The following SETX variants were observed in gnomAD, a reference collection of about 807,000 sequenced individuals.
SETX encodes senataxin.
Under a neutral mutation model 227.2 loss-of-function variants are expected in SETX, and 90 were observed. The observed-to-expected ratio is 0.40, with a 90% CI of 0.33 to 0.47. The LOEUF (loss-of-function observed/expected upper bound fraction) is 0.47, where lower values mean the gene tolerates loss of function less well. Among genes scored for constraint, SETX ranks in the 20% least tolerant of loss-of-function variants. SETX has a pLI of 0.91. For missense variants in SETX, 3,052 were observed against 3,181.5 expected, an observed-to-expected ratio of 0.96 and a Z score of 0.98; for synonymous variants, 1,210 against 1,113.2, an observed-to-expected ratio of 1.09 and a Z score of -1.73.
At chr9:132,300,528 G>C in intron 12 of SETX, 102 bp downstream of exon 12, 1 of 1,303,358 alleles carries the variant, frequency 7.7e-7, no homozygotes, top group Non-Finnish European at 1.1e-6. Flanking sequence ...AAACATGTTC[G>C]GTAAATGTCT....
At position 132,283,161 on chromosome 9, in the gene SETX, A is replaced by T. The variant is rs1446582150; in HGVS notation, c.6546+103T>A. ...GTAATAGCAAGTGAAAATCAGATGC[A>T]AAAAAAAAAAACACATTTCCTCAAC... On this transcript the variant is annotated intron_variant, in intron 19 of 25. Coordinates refer to ENST00000224140, the MANE Select transcript of SETX (RefSeq NM_015046.7). 1.6e-5 allele frequency: 11 copies of T among 698,564 alleles called. No individual in the cohort carries two copies. The African/African-American group carries it at 2.1e-4, about 13-fold the overall frequency. The allele number at this position is 698,564 out of a possible 1,614,324, so 43.3% of individuals were successfully genotyped here.
At position 132,298,252 on chromosome 9, in the gene SETX, T is replaced by C. The variant is rs773104641; in HGVS notation, c.5609A>G (p.Asn1870Ser). Residue 1870 changes from asparagine to serine, a missense_variant, in exon 13 of 26, where the codon AAT becomes AGT. Physicochemically the swap from Asn to Ser is conservative, Grantham distance 46. Transcript: ENST00000224140. ...AATACAATTCACAAGTTCGTTTAAA[T>C]TGGCCGGAAAGTTCTCTTGAGTCTG... is the stretch of plus-strand genomic sequence containing the variant. ...SIQTQENFPANLNELVNCIVI... is the reference protein window; with the variant it reads ...SIQTQENFPASLNELVNCIVI... The C allele has an allele frequency of 3.7e-6, 6 of 1,614,142 alleles. No individual in the cohort carries two copies. The highest frequency in any genetic ancestry group is 4.5e-5 in the East Asian group (2 of 44,876).
intron 11 of SETX, among the ~76,000 whole-genome samples, chr9:132,306,531 G>T (rs951322634): frequency 6.6e-6 from 1 of 151,886 alleles, no homozygotes; most frequent in African/African-American, 2.4e-5. Context: ...ATTTCTAAAA[G>T]TACTTATATC....
chr9:132,352,016 C>T (rs546416016), intron 2 of SETX, among the ~76,000 whole-genome samples: 22 of 152,340 alleles, frequency 1.4e-4, no homozygotes, highest in Admixed American at 3.9e-4. Context: ...CATTTCTCAA[C>T]ATTAACTAGC....
At chr9:132,331,475 A>C in intron 7 of SETX, 27 bp from the exon 8 acceptor site, 1 of 1,609,962 alleles carries the variant, frequency 6.2e-7, no homozygotes, top group South Asian at 1.1e-5. Flanking sequence ...CAATCGTTGA[A>C]TTACTAAACA....
intron 17 of SETX, 143 bp downstream of exon 17, chr9:132,288,093 C>G (rs1844030215): frequency 1.5e-6 from 1 of 684,798 alleles, no homozygotes; most frequent in Admixed American, 2.2e-5. Flanking sequence ...GGAGGATCAC[C>G]TGAACCCAGG....
intron 25 of SETX, among the ~76,000 whole-genome samples, chr9:132,268,896 G>C (rs916383272): frequency 1.3e-5 from 2 of 152,210 alleles, no homozygotes; most frequent in Non-Finnish European, 2.9e-5. Context: ...AGTGAAACAA[G>C]AAAGAAGGTG....
intron 14 of SETX, among the ~76,000 whole-genome samples, 173 bp downstream of exon 14, chr9:132,296,714 T>C (rs747575617): frequency 1.4e-4 from 22 of 152,150 alleles, no homozygotes; most frequent in Non-Finnish European, 2.9e-4. Context: ...TTATTTCCCA[T>C]AACCTTCCCT....
intron 9 of SETX, 52 bp from the exon 10 acceptor site, chr9:132,330,551 G>A: frequency 6.7e-7 from 1 of 1,502,404 alleles, no homozygotes; most frequent in Non-Finnish European, 9.2e-7. Flanking sequence ...ACTTATGACA[G>A]GTTCAACACC....
intron 10 of SETX, among the ~76,000 whole-genome samples, chr9:132,321,242 G>A (rs1395697985): frequency 3.9e-5 from 6 of 152,068 alleles, no homozygotes; most frequent in East Asian, 1.9e-4. Context: ...TTGGGAGGCC[G>A]GGCGCGGTGG....
chr9:132,284,110 A>G (rs1843693980), intron 18 of SETX, among the ~76,000 whole-genome samples: 1 of 152,210 alleles, frequency 6.6e-6, no homozygotes, highest in Non-Finnish European at 1.5e-5. Context: ...AATTCAAGGC[A>G]TTCGTGTGAG....
intron 11 of SETX, among the ~76,000 whole-genome samples, chr9:132,307,598 G>A (rs1342802771): frequency 6.6e-6 from 1 of 151,824 alleles, no homozygotes; most frequent in Non-Finnish European, 1.5e-5. Context: ...TGACTGAAAT[G>A]GACTGAAACA....
chr9:132,342,408 A>C (rs187742834), intron 5 of SETX, among the ~76,000 whole-genome samples: 1 of 152,292 alleles, frequency 6.6e-6, no homozygotes, highest in African/African-American at 2.4e-5. Context: ...GAAAGTCAAG[A>C]GAAGAGGTCT....
chr9:132,283,556 C>G (rs769666900), intron 18 of SETX, 143 bp from the exon 19 acceptor site: 31 of 994,752 alleles, frequency 3.1e-5, no homozygotes, highest in Admixed American at 2.3e-4. Flanking sequence ...GGGAAACCCT[C>G]AAATCTAGGA....
chr9:132,274,470 G>A (rs1183223885), intron 23 of SETX, among the ~76,000 whole-genome samples: 34 of 144,434 alleles, frequency 2.4e-4, no homozygotes, highest in Non-Finnish European at 4.3e-4. Flanking sequence ...ATGGAGTCTC[G>A]CTCTGTCACC....
At chr9:132,295,270 A>T (rs1221832296) in intron 15 of SETX, among the ~76,000 whole-genome samples, 1 of 152,226 alleles carries the variant, frequency 6.6e-6, no homozygotes, top group Non-Finnish European at 1.5e-5. Context: ...TACAGATGGT[A>T]GGGTTAACAC....
At chr9:132,284,160 C>A (rs191720880) in intron 18 of SETX, among the ~76,000 whole-genome samples, 5 of 152,338 alleles carry the variant, frequency 3.3e-5, no homozygotes, top group African/African-American at 1.2e-4. Context: ...CCACGGCTCA[C>A]ACAGTAAAGC....
chr9:132,301,759 CATT>C (rs756356319), intron 11 of SETX, among the ~76,000 whole-genome samples: 31 of 152,286 alleles, frequency 2.0e-4, no homozygotes, highest in Non-Finnish European at 4.0e-4. Context: ...GTATCCCCAT[CATT>C]AAGTGACATG....
chr9:132,350,107 CT>C (rs34269160), intron 2 of SETX, among the ~76,000 whole-genome samples: 18,825 of 152,214 alleles, frequency 0.12, 1,241 homozygotes, highest in African/African-American at 0.14. Context: ...AAGCCCAGCA[CT>C]TTGGGAGGCC....
Sources: allele counts gnomAD v4.1 joint callset (sites outside exome capture counted in the v4.1 genomes callset), GRCh38; gene constraint gnomAD v4.1.1; transcripts MANE v1.5; gene names NCBI Gene and HGNC (gene_info 2026-07-23, HGNC 2026-07-21).